ZNF711: variants seen among roughly 807,000 people sequenced by gnomAD.
The protein encoded by ZNF711 is zinc finger protein 711.
Under a neutral mutation model 43.5 loss-of-function variants are expected in ZNF711, and 3 were observed. The ratio of observed to expected loss-of-function variants is 0.07; its 90% CI spans 0.03 to 0.18. The LOEUF is 0.18. Among genes scored for constraint, ZNF711 ranks in the 10% least tolerant of loss-of-function variants. The probability of loss-of-function intolerance (pLI) is 1.00; values close to 1 mark genes in which losing one functional copy is unlikely to be tolerated. For synonymous variants in ZNF711, 209 were observed against 207.7 expected (o/e 1.01, Z -0.06); for missense variants, 412 against 604.0 (o/e 0.68, Z 3.33).
chrX:85,262,169 A>G (rs2147846207), intron 5 of ZNF711, among the ~76,000 whole-genome samples: 1 of 111,147 alleles, frequency 9.0e-6, no homozygotes, highest in Non-Finnish European at 1.9e-5. Context: ...ACCTTAAGAA[A>G]AGGTAGAAAT....
In ZNF711 at chrX:85,265,253, T is replaced by C. The variant is rs1266370282; in HGVS notation, c.914T>C (p.Ile305Thr). The change falls in exon 7 of 11, where the codon ATC becomes ACC. Residue 305 changes from isoleucine to threonine, a missense_variant and splice_region_variant. Transcript: ENST00000674551. The part of the protein sequence containing the change: ...VKDSSQEEDD[I>T]SCAEIADEVY... ...GATTCTTCTCAAGAAGAAGATGATA[T>C]CAGTAAGAAAATAAGGGCACTGTAG... 2 of 1,205,082 alleles carry C rather than the reference T, an allele frequency of 1.7e-6. No homozygotes were observed. The highest frequency in any genetic ancestry group is 3.5e-5 in the African/African-American group (2 of 56,598).
At chrX:85,252,587 A>G (rs1261369844) in intron 4 of ZNF711, among the ~76,000 whole-genome samples, 1 of 111,892 alleles carries the variant, frequency 8.9e-6, no homozygotes, top group East Asian at 2.8e-4. Context: ...TAATATTTTA[A>G]TTTTTTCCTT....
Position 85,265,160 on chromosome X carries a change from A to G in ZNF711, c.821A>G (p.His274Arg), listed in dbSNP as rs777239465. Residue 274 changes from histidine to arginine, a missense_variant, in exon 7 of 11, where the codon CAT becomes CGT. Physicochemically the swap from His to Arg is conservative, Grantham distance 29. Coordinates refer to ENST00000674551, the MANE Select transcript of ZNF711 (RefSeq NM_001330574.2). ...IVTESEYTSGHSVAGVLDQSR... is the reference protein window; with the variant it reads ...IVTESEYTSGRSVAGVLDQSR... ...ACAGAGAGTGAGTACACCAGTGGAC[A>G]TTCAGTAGCTGGAGTGCTTGACCAG... 110 of 1,206,517 alleles carry G rather than the reference A, an allele frequency of 9.1e-5. No homozygotes were observed. The highest frequency in any genetic ancestry group is 1.2e-4 in the Non-Finnish European group (108 of 892,972).
At chrX:85,259,530 A>G (rs932701964) in intron 5 of ZNF711, among the ~76,000 whole-genome samples, 2 of 111,584 alleles carry the variant, frequency 1.8e-5, no homozygotes, top group African/African-American at 6.5e-5. Context: ...ATCCTTGAGC[A>G]TGGAATGTTT....
intron 5 of ZNF711, among the ~76,000 whole-genome samples, chrX:85,256,301 C>T (rs1366981109): frequency 1.8e-5 from 2 of 111,317 alleles, no homozygotes. Context: ...ATTGCTTATG[C>T]CTAAATATGT....
At chrX:85,250,677 G>T (rs1321340985) in intron 4 of ZNF711, among the ~76,000 whole-genome samples, 3 of 111,266 alleles carry the variant, frequency 2.7e-5, no homozygotes, top group African/African-American at 9.8e-5. Flanking sequence ...TGCATTTTTG[G>T]TGAGACTGTT....
chrX:85,255,396 G>A lies in ZNF711; in HGVS notation c.217G>A (p.Gly73Arg). 1.7e-6 allele frequency: 2 copies of A among 1,211,627 alleles called. No homozygotes were observed. Among genetic ancestry groups the A allele is most frequent in the Non-Finnish European group, 2.2e-6 (2 of 895,535 alleles). ...TGGCCTTGCAGCTGAAGTTGTCCAT[G>A]GACCTGATATCATCACAGAGACTGA... ...DHGLAAEVVH[G>R]PDIITETDVV... The change falls in exon 5 of 11, where the codon GGA (glycine) becomes AGA (arginine). Residue 73 changes from glycine (G) to arginine (R), a missense_variant. By Grantham distance (125) the Gly-to-Arg change is moderately radical (BLOSUM62 -2). This residue lies in a region of ZNF711 where 375 missense variants were observed against 514.2 expected (regional missense o/e 0.73). Coordinates refer to ENST00000674551, the MANE Select transcript of ZNF711 (RefSeq NM_001330574.2).
At chrX:85,257,809 C>A (rs1307433720) in intron 5 of ZNF711, among the ~76,000 whole-genome samples, 1 of 113,447 alleles carries the variant, frequency 8.8e-6, no homozygotes, top group Non-Finnish European at 1.9e-5. Context: ...GTCCCCTTTT[C>A]TCCACAGCCT....
chrX:85,258,282 A>C (rs964021046), intron 5 of ZNF711, among the ~76,000 whole-genome samples: 2 of 111,366 alleles, frequency 1.8e-5, no homozygotes, highest in Non-Finnish European at 3.8e-5. Context: ...TCAGGAACAG[A>C]AAACCAAATA....
At position 85,271,683 on chromosome X, in the gene ZNF711, C is replaced by T; in HGVS notation, c.2279C>T (p.Thr760Ile). The T allele has an allele frequency of 8.3e-7, 1 of 1,210,300 alleles. No homozygotes were observed. The highest frequency in any genetic ancestry group is 1.8e-5 in the South Asian group (1 of 56,842). Reference protein sequence around the residue: ...YQCEYCEYSTTDASGFKRHVI... With the variant: ...YQCEYCEYSTIDASGFKRHVI... ...TGTGAGTATTGTGAATACAGCACTACAGATGCATCTGGCTTTAAACGACAT... is the reference window on the plus strand; with the variant it reads ...TGTGAGTATTGTGAATACAGCACTATAGATGCATCTGGCTTTAAACGACAT... Residue 760 changes from threonine (T) to isoleucine (I), a missense_variant, in exon 11 of 11, where the codon ACA becomes ATA. Transcript: ENST00000674551.
At position 85,272,568 on chromosome X, in the gene ZNF711, T is replaced by G. The variant is rs1363600317; in HGVS notation, c.*740T>G. On this transcript the variant is annotated 3_prime_UTR_variant, in exon 11 of 11. Coordinates refer to ENST00000674551, the MANE Select transcript of ZNF711 (RefSeq NM_001330574.2). ...AAAGTATATTTGAGTCAAATGTGGCTTTCTAAAATGGATGCAACATTAGCG... is the reference window on the plus strand; with the variant it reads ...AAAGTATATTTGAGTCAAATGTGGCGTTCTAAAATGGATGCAACATTAGCG... 8.9e-6 allele frequency: 1 copy of G among 112,044 alleles called. No individual in the cohort carries two copies. The highest frequency in any genetic ancestry group is 1.9e-5 in the Non-Finnish European group (1 of 53,061). The allele number at this position is 112,044 out of a possible 1,213,427, so 9.2% of individuals were successfully genotyped here. A position where few individuals can be genotyped will look rare whatever the true frequency, so the allele number is the denominator to read the frequency against.
intron 5 of ZNF711, among the ~76,000 whole-genome samples, chrX:85,262,935 T>G (rs1479364287): frequency 4.5e-5 from 5 of 110,688 alleles, no homozygotes; most frequent in African/African-American, 1.6e-4. Flanking sequence ...TAAAATTGTT[T>G]TTAGGAGTGC....
At position 85,255,540 on chromosome X, in the gene ZNF711, A is replaced by G. The variant is rs868712017; in HGVS notation, c.361A>G (p.Thr121Ala). The G allele has an allele frequency of 8.3e-7, 1 of 1,211,858 alleles. No homozygotes were observed. The highest frequency in any genetic ancestry group is 2.3e-4 in the Middle Eastern group (1 of 4,355). Reference protein sequence around the residue: ...HILTSELITETVRVPEQVFVA... With the variant: ...HILTSELITEAVRVPEQVFVA... ...CTTGACTTCTGAACTAATTACAGAA[A>G]CCGTTAGGGTACCAGAGCAGGTTTT... Residue 121 changes from threonine (T) to alanine (A), a missense_variant, in exon 5 of 11, where the codon ACC (threonine) becomes GCC (alanine). Coordinates refer to ENST00000674551, the MANE Select transcript of ZNF711 (RefSeq NM_001330574.2).
At chrX:85,249,140 T>C (rs66747655) in intron 4 of ZNF711, among the ~76,000 whole-genome samples, 23,857 of 110,981 alleles carry the variant, frequency 0.21, 2,462 homozygotes, top group African/African-American at 0.4. Context: ...GTGTTGACTA[T>C]GGATGATTTA....
At chrX:85,245,363 C>G (rs1928949092) in intron 1 of ZNF711, among the ~76,000 whole-genome samples, 1 of 112,369 alleles carries the variant, frequency 8.9e-6, no homozygotes, top group Non-Finnish European at 1.9e-5. Flanking sequence ...TTAGAGAAGA[C>G]CAAGAAGCCT....
chrX:85,269,312 C>G (rs1411467796), intron 9 of ZNF711, among the ~76,000 whole-genome samples: 1 of 110,397 alleles, frequency 9.1e-6, no homozygotes, highest in African/African-American at 3.3e-5. Context: ...TGGTCTGATG[C>G]CAAGATTTTG....
chrX:85,268,935 AG>A (rs1258233838), intron 9 of ZNF711, among the ~76,000 whole-genome samples: 1 of 111,659 alleles, frequency 9.0e-6, no homozygotes, highest in Non-Finnish European at 1.9e-5. Flanking sequence ...GTTGATTTCG[AG>A]AAATTGATGA....
At position 85,270,195 on chromosome X, in the gene ZNF711, A is replaced by AT. The variant is rs1315338049; in HGVS notation, c.1246+55dup. 9 of 1,153,313 alleles carry AT rather than the reference A, an allele frequency of 7.8e-6. No individual in the cohort carries two copies. The East Asian group carries it at 2.9e-4, about 37-fold the overall frequency. On this transcript the variant is annotated intron_variant, in intron 10 of 10. Transcript: ENST00000674551. ...TTATAATTATTTGAGATGTGGAAGT[A>AT]TTTTTTGTCACCAAAGAAAAATATC... is the stretch of plus-strand genomic sequence containing the variant.
In ZNF711 at chrX:85,271,848, G is replaced by A; in HGVS notation, c.*20G>A. On this transcript the variant is annotated 3_prime_UTR_variant, in exon 11 of 11. Coordinates refer to ENST00000674551, the MANE Select transcript of ZNF711 (RefSeq NM_001330574.2). ...ATGTAATAAGATCAATATAAAGAAA[G>A]AAGCTATTTAGGAGATATGATATGC... is the stretch of plus-strand genomic sequence containing the variant. The A allele has an allele frequency of 8.6e-7, 1 of 1,168,783 alleles. No homozygotes were observed.
Sources: allele counts gnomAD v4.1 joint callset (sites outside exome capture counted in the v4.1 genomes callset), GRCh38; gene constraint gnomAD v4.1.1; regional missense constraint gnomAD v4.1.1; transcripts MANE v1.5; gene names NCBI Gene and HGNC (gene_info 2026-07-23, HGNC 2026-07-21).